Variants in GSDMB observed in about 807,000 individuals in gnomAD.
GSDMB encodes gasdermin-B.
Under a neutral mutation model 42.9 loss-of-function variants are expected in GSDMB, and 32 were observed. That is an observed-to-expected ratio of 0.75 (90% CI 0.56 to 1.00). The LOEUF is 1.00. GSDMB is among the 50% of genes least tolerant of loss of function. GSDMB has a pLI of 0.00. For missense variants in GSDMB, 468 were observed against 498.5 expected, an observed-to-expected ratio of 0.94 and a Z score of 0.58; for synonymous variants, 175 against 193.7, an observed-to-expected ratio of 0.90 and a Z score of 0.80.
At chr17:39,906,646 G>A in intron 7 of GSDMB, 1 of 1,266,624 alleles carries the variant, frequency 7.9e-7, no homozygotes, top group South Asian at 2.2e-5. Context: ...TTGACTACAT[G>A]AGAATCACCT....
At chr17:39,912,092 G>T (rs1354755926) in intron 3 of GSDMB, among the ~76,000 whole-genome samples, 1 of 152,152 alleles carries the variant, frequency 6.6e-6, no homozygotes, top group East Asian at 1.9e-4. Flanking sequence ...AAGGCTTCTG[G>T]AGGCAGAGAA....
At position 39,908,364 on chromosome 17, in the gene GSDMB, GTTTTTGTTTTTTGT is replaced by G. The variant is rs368175037; in HGVS notation, c.662-164_662-151del. 1,161 of 573,652 alleles carry G rather than the reference GTTTTTGTTTTTTGT, an allele frequency of 2.0e-3. 3 individuals carry two copies. Among genetic ancestry groups the G allele is most frequent in the Non-Finnish European group, 2.8e-3 (917 of 325,340 alleles). 35.5% of individuals were successfully genotyped at this position (573,652 alleles called of 1,614,324 possible). A position where few individuals can be genotyped will look rare whatever the true frequency, so the allele number is the denominator to read the frequency against. ...AAAAAGACAACTGTTTTTTGTTTTT[GTTTTTGTTTTTTGT>G]TTTTTGTTTTTTGTTTTTGAGATGG... is the stretch of plus-strand genomic sequence containing the variant. On this transcript the variant is annotated intron_variant, in intron 5 of 10. Coordinates refer to ENST00000418519, the MANE Select transcript of GSDMB (RefSeq NM_001165958.2).
intron 6 of GSDMB, chr17:39,907,194 G>A: frequency 7.1e-7 from 1 of 1,400,610 alleles, no homozygotes; most frequent in Non-Finnish European, 9.3e-7. Flanking sequence ...GGCAGTCATA[G>A]GACTGTGCCT....
At chr17:39,911,919 G>A (rs1440008946) in intron 3 of GSDMB, among the ~76,000 whole-genome samples, 1 of 151,658 alleles carries the variant, frequency 6.6e-6, no homozygotes, top group Non-Finnish European at 1.5e-5. Flanking sequence ...CTGGCCGACA[G>A]AGCGAGACTC....
At chr17:39,906,698 C>A (rs1404420500) in intron 7 of GSDMB, 1 of 1,208,694 alleles carries the variant, frequency 8.3e-7, no homozygotes, top group Non-Finnish European at 1.1e-6. Flanking sequence ...CACACCCCCA[C>A]AATTAAGTCA....
intron 4 of GSDMB, 129 bp downstream of exon 4, chr17:39,909,627 G>A (rs1274235481): frequency 2.6e-6 from 2 of 767,062 alleles, no homozygotes; most frequent in African/African-American, 1.7e-5. Flanking sequence ...CTTTCTTGGG[G>A]CAAGGTGGCC....
At position 39,909,770 on chromosome 17, in the gene GSDMB, T is replaced by G. The variant is rs763708560; in HGVS notation, c.562A>C (p.Ser188Arg). The change falls in exon 4 of 11, where the codon AGC (serine) becomes CGC (arginine). Residue 188 changes from serine (S) to arginine (R), a missense_variant. Transcript: ENST00000418519. Reference sequence around the variant, plus strand: ...AGGATCCTAACCTTGTGTTTATAGCTGAGATGGCCCTGAGAGATCTGGCTC... The same window carrying G: ...AGGATCCTAACCTTGTGTTTATAGCGGAGATGGCCCTGAGAGATCTGGCTC... ...FWSQISQGHL[S>R]YKHKGQREVT... The G allele has an allele frequency of 1.2e-6, 2 of 1,613,834 alleles. No homozygotes were observed. The highest frequency in any genetic ancestry group is 2.2e-5 in the South Asian group (2 of 91,068).
At position 39,904,752 on chromosome 17, in the gene GSDMB, G is replaced by A; in HGVS notation, c.*60C>T. ...TGACAGGATGGTAGTGGCGATGGCA[G>A]TGAGGACAGACTGGTAAAGGGAAAA... On this transcript the variant is annotated 3_prime_UTR_variant, in exon 11 of 11. Transcript: ENST00000418519. 6.9e-7 allele frequency: 1 copy of A among 1,446,344 alleles called. No homozygotes were observed. Among genetic ancestry groups the A allele is most frequent in the Non-Finnish European group, 9.6e-7 (1 of 1,038,678 alleles). 89.6% of individuals were successfully genotyped at this position (1,446,344 alleles called of 1,614,324 possible).
chr17:39,907,817 G>A (rs1031894570), intron 6 of GSDMB: 33 of 205,010 alleles, frequency 1.6e-4, no homozygotes, highest in Non-Finnish European at 3.0e-4. Flanking sequence ...GGTGGGACTA[G>A]ACCCTGAGAC....
intron 9 of GSDMB, 34 bp from the exon 10 acceptor site, chr17:39,905,530 A>G: frequency 6.5e-7 from 1 of 1,544,300 alleles, no homozygotes. Context: ...AAAAGGAGAG[A>G]TATATGGTGG....
At chr17:39,909,996 T>C in intron 3 of GSDMB, 72 bp from the exon 4 acceptor site, 2 of 1,137,670 alleles carry the variant, frequency 1.8e-6, no homozygotes, top group East Asian at 4.7e-5. Context: ...TTTCCCTCTC[T>C]GTGAGCCAGC....
intron 5 of GSDMB, 110 bp from the exon 6 acceptor site, chr17:39,908,324 CAAA>C (rs3076830): frequency 0.055 from 13,325 of 242,960 alleles, no homozygotes; most frequent in South Asian, 0.084. Context: ...AGCCTCCAAT[CAAA>C]AAAAAAAAAA....
At chr17:39,908,324 CA>C (rs3076830) in intron 5 of GSDMB, 110 bp from the exon 6 acceptor site, 149,958 of 245,174 alleles carry the variant, frequency 0.61, 45,461 homozygotes, top group Admixed American at 0.75. Flanking sequence ...AGCCTCCAAT[CA>C]AAAAAAAAAA....
At chr17:39,910,248 C>T (rs1387784840) in intron 3 of GSDMB, among the ~76,000 whole-genome samples, 2 of 152,118 alleles carry the variant, frequency 1.3e-5, no homozygotes, top group South Asian at 2.1e-4. Context: ...CACTTGAACC[C>T]GGGAGGCGGA....
chr17:39,909,353 A>AT, intron 4 of GSDMB: 1 of 402,176 alleles, frequency 2.5e-6, no homozygotes, highest in Non-Finnish European at 4.4e-6. Context: ...GGAGACAGAC[A>AT]ATAAACAAGC....
intron 3 of GSDMB, among the ~76,000 whole-genome samples, chr17:39,911,598 C>T (rs1204406465): frequency 6.6e-6 from 1 of 152,196 alleles, no homozygotes; most frequent in Non-Finnish European, 1.5e-5. Flanking sequence ...AGGAAACATC[C>T]TCCAAGGGGT....
chr17:39,906,385 T>C (rs2063505558), intron 7 of GSDMB, 114 bp from the exon 8 acceptor site: 1 of 1,049,690 alleles, frequency 9.5e-7, no homozygotes, highest in South Asian at 1.6e-5. Flanking sequence ...TCTTCCCTTC[T>C]TCCAGTCTTT....
chr17:39,905,348 C>T (rs529148303), intron 10 of GSDMB, 78 bp downstream of exon 10: 1 of 979,122 alleles, frequency 1.0e-6, no homozygotes, highest in South Asian at 1.4e-5. Context: ...GGGGCTGTAC[C>T]CTGGGACTTC....
chr17:39,911,149 C>T (rs1019588251), intron 3 of GSDMB, among the ~76,000 whole-genome samples: 1 of 151,858 alleles, frequency 6.6e-6, no homozygotes, highest in Non-Finnish European at 1.5e-5. Context: ...TGAATGAAAC[C>T]CTGTCTCTAC....
Sources: allele counts gnomAD v4.1 joint callset (sites outside exome capture counted in the v4.1 genomes callset), GRCh38; gene constraint gnomAD v4.1.1; transcripts MANE v1.5; gene names NCBI Gene and HGNC (gene_info 2026-07-23, HGNC 2026-07-21).